FCF1: variants seen among roughly 807,000 people sequenced by gnomAD.
FCF1 encodes rRNA-processing protein FCF1 homolog.
A neutral mutation model predicts 32.5 loss-of-function variants in FCF1; 17 were observed. The observed-to-expected ratio is 0.52, with a 90% confidence interval of 0.36 to 0.78. FCF1 has a LOEUF of 0.78. Among genes scored for constraint, FCF1 ranks in the 30% least tolerant of loss-of-function variants. FCF1 has a pLI of 0.00. For missense variants in FCF1, 201 were observed against 241.1 expected (o/e 0.83, Z 1.10); for synonymous variants, 84 against 78.4 (o/e 1.07, Z -0.38).
At chr14:74,715,818 T>C (rs1467109314) in intron 3 of FCF1, 133 bp from the exon 4 acceptor site, 1 of 1,593,110 alleles carries the variant, frequency 6.3e-7, no homozygotes, top group East Asian at 2.3e-5. Flanking sequence ...CCTTCCTTTT[T>C]AGGATTTATT....
At chr14:74,728,902 A>G (rs1382354458) in intron 5 of FCF1, among the ~76,000 whole-genome samples, 1 of 152,010 alleles carries the variant, frequency 6.6e-6, no homozygotes, top group Non-Finnish European at 1.5e-5. Context: ...GCTGGATTAC[A>G]TTTATTGATT....
At chr14:74,731,300 C>G (rs2090634336) in intron 5 of FCF1, among the ~76,000 whole-genome samples, 1 of 152,036 alleles carries the variant, frequency 6.6e-6, no homozygotes, top group South Asian at 2.1e-4. Context: ...TATATGACAG[C>G]ATGTTAGTAT....
chr14:74,724,394 C>G (rs1218446738), intron 5 of FCF1, among the ~76,000 whole-genome samples: 1 of 152,190 alleles, frequency 6.6e-6, no homozygotes, highest in Non-Finnish European at 1.5e-5. Context: ...AGCAGTCCTC[C>G]TGCCTCAGCA....
rs571577472 is a variant in FCF1, at chr14:74,735,642, C to T, written c.*712C>T. On this transcript the variant is annotated 3_prime_UTR_variant, in exon 8 of 8. Transcript: ENST00000341162. ...GGAGTGCAGTGGCGTGATCTGGGCTCACTGCAACCCCTGCCTCCCATCCTT... is the reference window on the plus strand; with the variant it reads ...GGAGTGCAGTGGCGTGATCTGGGCTTACTGCAACCCCTGCCTCCCATCCTT... 6.6e-6 allele frequency: 1 copy of T among 150,634 alleles called. No homozygotes were observed. Among genetic ancestry groups the T allele is most frequent in the South Asian group, 2.1e-4 (1 of 4,768 alleles). 9.3% of individuals were successfully genotyped at this position (150,634 alleles called of 1,614,324 possible). A position where few individuals can be genotyped will look rare whatever the true frequency, so the allele number is the denominator to read the frequency against.
intron 5 of FCF1, among the ~76,000 whole-genome samples, chr14:74,729,674 A>G (rs2090610353): frequency 6.6e-6 from 1 of 151,760 alleles, no homozygotes; most frequent in South Asian, 2.1e-4. Context: ...TTGTTTTTCT[A>G]GTTCTTTTAA....
chr14:74,734,088 A>G lies in FCF1; in HGVS notation c.466A>G (p.Ile156Val), dbSNP rs2090673629. The change falls in exon 7 of 8, where the codon ATT becomes GTT. Residue 156 changes from isoleucine (I) to valine (V), a missense_variant. Transcript: ENST00000341162. ...VQRVTQHKCY[I>V]VATVDRDLKR... ...ATGTCTCTTACAGCATAAGTGTTACATTGTGGCCACAGTTGACCGGGACCT... is the reference window on the plus strand; with the variant it reads ...ATGTCTCTTACAGCATAAGTGTTACGTTGTGGCCACAGTTGACCGGGACCT... 6.2e-7 allele frequency: 1 copy of G among 1,612,520 alleles called. No homozygotes were observed. The highest frequency in any genetic ancestry group is 2.2e-5 in the East Asian group (1 of 44,854).
chr14:74,713,596 T>C lies in FCF1; in HGVS notation c.71+44T>C, dbSNP rs777007582. On this transcript the variant is annotated intron_variant, in intron 2 of 7. Coordinates refer to ENST00000341162, the MANE Select transcript of FCF1 (RefSeq NM_015962.5). ...CTGCCCAGGGATATTCTAATAAGAG[T>C]CTAGAGAGGATAAGTAGTAAAAATG... 7.9e-6 allele frequency: 12 copies of C among 1,510,018 alleles called. No homozygotes were observed. In the Middle Eastern group the frequency reaches 1.2e-3, roughly 149 times the overall value. 93.5% of individuals were successfully genotyped at this position (1,510,018 alleles called of 1,614,324 possible). A position where few individuals can be genotyped will look rare whatever the true frequency, so the allele number is the denominator to read the frequency against.
chr14:74,730,374 G>A (rs1469450937), intron 5 of FCF1, among the ~76,000 whole-genome samples: 1 of 151,662 alleles, frequency 6.6e-6, no homozygotes, highest in Non-Finnish European at 1.5e-5. Context: ...CACTATGCAT[G>A]TCTGATTATT....
chr14:74,714,005 C>T (rs2090374930), intron 2 of FCF1, among the ~76,000 whole-genome samples: 3 of 152,152 alleles, frequency 2.0e-5, no homozygotes, highest in South Asian at 4.1e-4. Context: ...CAAGATATCT[C>T]CATTTTATAA....
intron 4 of FCF1, among the ~76,000 whole-genome samples, chr14:74,719,757 C>T (rs1165755514): frequency 1.3e-5 from 2 of 152,046 alleles, no homozygotes; most frequent in African/African-American, 4.8e-5. Flanking sequence ...GGAACAAGAA[C>T]CTGTCTCAAA....
At chr14:74,714,076 G>C (rs928558400) in intron 2 of FCF1, among the ~76,000 whole-genome samples, 1 of 152,198 alleles carries the variant, frequency 6.6e-6, no homozygotes, top group Non-Finnish European at 1.5e-5. Context: ...AAATTCCCTA[G>C]TATGAAGAGG....
chr14:74,714,061 A>T (rs1373523211), intron 2 of FCF1, among the ~76,000 whole-genome samples: 1 of 152,234 alleles, frequency 6.6e-6, no homozygotes, highest in African/African-American at 2.4e-5. Flanking sequence ...GAAGAAAGTG[A>T]AGTGAAATTC....
chr14:74,719,307 A>AG (rs1401632261), intron 4 of FCF1, among the ~76,000 whole-genome samples: 59 of 144,594 alleles, frequency 4.1e-4, no homozygotes, highest in Non-Finnish European at 5.3e-4. Context: ...AAAAAAAAAA[A>AG]AAGAAGAAGA....
intron 5 of FCF1, among the ~76,000 whole-genome samples, chr14:74,725,778 C>CA (rs1433039662): frequency 4.6e-5 from 7 of 151,732 alleles, no homozygotes; most frequent in South Asian, 4.2e-4. Context: ...ACTAAAAATA[C>CA]AAAAAAATTA....
At chr14:74,727,218 T>C (rs1048038930) in intron 5 of FCF1, among the ~76,000 whole-genome samples, 69 of 152,330 alleles carry the variant, frequency 4.5e-4, no homozygotes, top group Admixed American at 1.5e-3. Context: ...TTTACAGTCC[T>C]GCCAACAGTG....
rs2090362449 is a variant in FCF1, at chr14:74,713,468, A to G, written c.4-17A>G. 3 of 1,611,950 alleles carry G rather than the reference A, an allele frequency of 1.9e-6. No individual in the cohort carries two copies. In the African/African-American group the frequency reaches 4.0e-5, roughly 22 times the overall value. ...GTGTGTTTCCAACTTTTTTAATTCT[A>G]AAATTTCTGTTTCAAGGGGAAGCAA... is the stretch of plus-strand genomic sequence containing the variant. On this transcript the variant is annotated splice_polypyrimidine_tract_variant and intron_variant, in intron 1 of 7. Transcript: ENST00000341162.
intron 4 of FCF1, among the ~76,000 whole-genome samples, chr14:74,719,827 T>C (rs1400449165): frequency 6.6e-6 from 1 of 152,022 alleles, no homozygotes; most frequent in Non-Finnish European, 1.5e-5. Context: ...TTATAAAAAT[T>C]CATAAATCTG....
intron 2 of FCF1, among the ~76,000 whole-genome samples, chr14:74,714,392 A>G (rs893850495): frequency 6.6e-6 from 1 of 152,242 alleles, no homozygotes; most frequent in Non-Finnish European, 1.5e-5. Context: ...AATTTTTAGG[A>G]ATGACACTCC....
chr14:74,727,924 C>T (rs1429326101), intron 5 of FCF1, among the ~76,000 whole-genome samples: 3 of 152,104 alleles, frequency 2.0e-5, no homozygotes, highest in African/African-American at 4.8e-5. Flanking sequence ...AGATATGCGG[C>T]GTTATTTCTG....
Sources: gnomAD v4.1 joint callset for allele counts (sites outside exome capture counted in the v4.1 genomes callset) on GRCh38, gnomAD v4.1.1 for gene constraint, MANE v1.5 for transcripts, NCBI Gene and HGNC (gene_info 2026-07-23, HGNC 2026-07-21) for gene names.